The following PAPSS2 variants were observed in gnomAD, a reference collection of about 807,000 sequenced individuals.
PAPSS2 encodes bifunctional 3'-phosphoadenosine 5'-phosphosulfate synthase 2.
In PAPSS2, 61 loss-of-function variants were observed where a neutral mutation model predicts 66.5. The ratio of observed to expected loss-of-function variants is 0.92; its 90% confidence interval spans 0.75 to 1.14. PAPSS2 has a LOEUF of 1.14. Ranked by LOEUF, PAPSS2 falls within the 50% of genes most tolerant of loss-of-function variation. PAPSS2 has a pLI of 0.00. For synonymous variants in PAPSS2, 289 were observed against 287.5 expected (o/e 1.01, Z -0.05); for missense variants, 708 against 789.6 (o/e 0.90, Z 1.24).
chr10:87,694,881 T>A (rs945419214), intron 1 of PAPSS2, among the ~76,000 whole-genome samples: 1 of 152,170 alleles, frequency 6.6e-6, no homozygotes, highest in Non-Finnish European at 1.5e-5. Context: ...TTTACAACCT[T>A]GAGGAAACTC....
At chr10:87,742,879 A>T (rs1853886505) in intron 10 of PAPSS2, among the ~76,000 whole-genome samples, 1 of 152,164 alleles carries the variant, frequency 6.6e-6, no homozygotes, top group Non-Finnish European at 1.5e-5. Context: ...TCCCTGTCTC[A>T]GCTATCTGGT....
chr10:87,707,054 T>G (rs1472097495), intron 1 of PAPSS2, among the ~76,000 whole-genome samples: 1 of 152,164 alleles, frequency 6.6e-6, no homozygotes, highest in Non-Finnish European at 1.5e-5. Flanking sequence ...ACCTTCCTCT[T>G]GGCCCCTTCT....
intron 1 of PAPSS2, among the ~76,000 whole-genome samples, chr10:87,706,109 T>TATATA: frequency 1.3e-5 from 1 of 74,276 alleles, no homozygotes; most frequent in Non-Finnish European, 2.3e-5. Flanking sequence ...TATATATATA[T>TATATA]GTGTGTGTGT....
Position 87,680,152 on chromosome 10 carries a change from A to G in PAPSS2, c.27+20144A>G, listed in dbSNP as rs185805432. 7.2e-5 allele frequency among the ~76,000 whole-genome samples: 11 copies of G among 152,322 alleles called. No homozygotes were observed. The East Asian group carries it at 2.1e-3, about 29-fold the overall frequency. On this transcript the variant is annotated intron_variant, in intron 1 of 12. Coordinates refer to ENST00000456849, the MANE Select transcript of PAPSS2 (RefSeq NM_001015880.2). Reference sequence around the variant, plus strand: ...AGCGAGAACCCAAACAAATTAGCACAACTCATCTTCTGCTTCTGTAACAAA... The same window carrying G: ...AGCGAGAACCCAAACAAATTAGCACGACTCATCTTCTGCTTCTGTAACAAA...
At chr10:87,707,753 A>C (rs7895424) in intron 1 of PAPSS2, among the ~76,000 whole-genome samples, 1 of 151,038 alleles carries the variant, frequency 6.6e-6, no homozygotes, top group Non-Finnish European at 1.5e-5. Context: ...TTTATTTTTC[A>C]TAGAGATGAG....
chr10:87,697,773 C>T (rs1380601244), intron 1 of PAPSS2, among the ~76,000 whole-genome samples: 1 of 152,202 alleles, frequency 6.6e-6, no homozygotes, highest in Admixed American at 6.5e-5. Flanking sequence ...GGTGGTTTAT[C>T]ATCCAATGGA....
At chr10:87,713,941 A>G in intron 3 of PAPSS2, 103 bp from the exon 4 acceptor site, 1 of 1,184,668 alleles carries the variant, frequency 8.4e-7, no homozygotes, top group Non-Finnish European at 1.3e-6. Context: ...CACAAACCCC[A>G]GTGTTATCTC....
At chr10:87,692,787 T>C (rs11202513) in intron 1 of PAPSS2, among the ~76,000 whole-genome samples, 8,541 of 152,224 alleles carry the variant, frequency 0.056, 801 homozygotes, top group African/African-American at 0.19. Context: ...TGGGTCAACC[T>C]AGTGCAATAA....
intron 7 of PAPSS2, among the ~76,000 whole-genome samples, chr10:87,720,485 T>G (rs1226290160): frequency 3.9e-5 from 6 of 152,218 alleles, no homozygotes; most frequent in African/African-American, 1.4e-4. Context: ...TAGATATCAT[T>G]TAATTGTAAC....
At chr10:87,699,799 GA>G (rs1853279644) in intron 1 of PAPSS2, among the ~76,000 whole-genome samples, 1 of 138,220 alleles carries the variant, frequency 7.2e-6, no homozygotes, top group African/African-American at 2.9e-5. Flanking sequence ...TCAGTGAGTC[GA>G]GATCATGCCA....
intron 9 of PAPSS2, 23 bp from the exon 10 acceptor site, chr10:87,741,212 A>C: frequency 6.2e-7 from 1 of 1,611,926 alleles, no homozygotes; most frequent in Non-Finnish European, 8.5e-7. Flanking sequence ...AATCATTAGC[A>C]ATCATAACAA....
intron 9 of PAPSS2, among the ~76,000 whole-genome samples, chr10:87,736,750 A>C (rs1853806443): frequency 6.6e-6 from 1 of 152,224 alleles, no homozygotes; most frequent in Admixed American, 6.5e-5. Context: ...CCTTAATCAC[A>C]AACTGGAAAG....
intron 1 of PAPSS2, among the ~76,000 whole-genome samples, chr10:87,686,651 A>G (rs1044339696): frequency 6.6e-6 from 1 of 152,208 alleles, no homozygotes; most frequent in Admixed American, 6.5e-5. Flanking sequence ...TATGTCTACA[A>G]TTTCAGAACT....
chr10:87,741,431 G>T, intron 10 of PAPSS2, 61 bp downstream of exon 10: 1 of 1,464,932 alleles, frequency 6.8e-7, no homozygotes, highest in Non-Finnish European at 9.5e-7. Flanking sequence ...GTCTTGTTCT[G>T]TCACCCAGGC....
chr10:87,675,744 G>A (rs2077773), intron 1 of PAPSS2, among the ~76,000 whole-genome samples: 69,241 of 151,926 alleles, frequency 0.46, 16,541 homozygotes, highest in East Asian at 0.78. Flanking sequence ...ACAAAATATT[G>A]ATGCCTGGAC....
chr10:87,706,709 T>C (rs1485843664), intron 1 of PAPSS2, among the ~76,000 whole-genome samples: 1 of 152,070 alleles, frequency 6.6e-6, no homozygotes, highest in Non-Finnish European at 1.5e-5. Context: ...CAGTGAGGCC[T>C]GATTGAACCA....
chr10:87,712,968 T>C (rs1010504769), intron 2 of PAPSS2, 107 bp from the exon 3 acceptor site: 38 of 714,958 alleles, frequency 5.3e-5, no homozygotes, highest in Middle Eastern at 3.6e-4. Context: ...TTCTTTCTTT[T>C]TTTTTTTTTT....
intron 1 of PAPSS2, among the ~76,000 whole-genome samples, chr10:87,698,138 A>T (rs770676999): frequency 6.6e-6 from 1 of 152,148 alleles, no homozygotes; most frequent in Non-Finnish European, 1.5e-5. Flanking sequence ...CAATGTTTTC[A>T]TACTATTCAA....
chr10:87,694,596 C>T (rs982022803), intron 1 of PAPSS2, among the ~76,000 whole-genome samples: 4 of 152,130 alleles, frequency 2.6e-5, no homozygotes, highest in Non-Finnish European at 4.4e-5. Flanking sequence ...ATAAACAGAC[C>T]TGCTGCTGAG....
Sources: gnomAD v4.1 joint callset for allele counts (sites outside exome capture counted in the v4.1 genomes callset) on GRCh38, gnomAD v4.1.1 for gene constraint, MANE v1.5 for transcripts, NCBI Gene and HGNC (gene_info 2026-07-23, HGNC 2026-07-21) for gene names.